RBMS3: variants seen among roughly 807,000 people sequenced by gnomAD.
RBMS3 encodes the protein RNA-binding motif, single-stranded-interacting protein 3.
A neutral mutation model predicts 66.8 loss-of-function variants in RBMS3; 27 were observed. That is an observed-to-expected ratio of 0.40 (90% confidence interval 0.30 to 0.56). The LOEUF is 0.56. Ranked by LOEUF, RBMS3 falls within the 20% of genes least tolerant of loss-of-function variation. The pLI is 0.40. For synonymous variants in RBMS3, 188 were observed against 183.0 expected (o/e 1.03, Z -0.22); for missense variants, 513 against 549.5 (o/e 0.93, Z 0.66).
intron 1 of RBMS3, among the ~76,000 whole-genome samples, chr3:29,317,926 C>A (rs1196100068): frequency 6.6e-6 from 1 of 151,788 alleles, no homozygotes; most frequent in Non-Finnish European, 1.5e-5. Flanking sequence ...GCTTTAACCT[C>A]TTTATAGTTG....
intron 6 of RBMS3, 113 bp from the exon 7 acceptor site, chr3:29,868,744 GA>G: frequency 3.2e-6 from 3 of 946,548 alleles, no homozygotes; most frequent in Non-Finnish European, 4.8e-6. Context: ...TATCTCTTCA[GA>G]AGCAAGATGT....
chr3:29,292,601 C>A (rs542686539), intron 1 of RBMS3, among the ~76,000 whole-genome samples: 1 of 151,590 alleles, frequency 6.6e-6, no homozygotes, highest in South Asian at 2.1e-4. Flanking sequence ...TCATAATAGT[C>A]GTTTAAACTG....
intron 1 of RBMS3, among the ~76,000 whole-genome samples, chr3:29,375,679 A>G (rs373983116): frequency 3.9e-5 from 6 of 152,362 alleles, no homozygotes; most frequent in African/African-American, 1.4e-4. Context: ...CAGAATGGTT[A>G]TTATTAAAAA....
At chr3:29,386,651 G>A (rs2039022814) in intron 1 of RBMS3, among the ~76,000 whole-genome samples, 1 of 152,122 alleles carries the variant, frequency 6.6e-6, no homozygotes, top group South Asian at 2.1e-4. Flanking sequence ...CCAGCATACA[G>A]ACATGCTGCA....
intron 3 of RBMS3, among the ~76,000 whole-genome samples, chr3:29,520,524 GAAAGTGA>G (rs1189755713): frequency 1.3e-5 from 2 of 152,086 alleles, no homozygotes; most frequent in Admixed American, 1.3e-4. Flanking sequence ...CAACAGCATA[GAAAGTGA>G]ACAAAAGTTG....
At chr3:29,406,385 A>ATG (rs1199398393) in intron 1 of RBMS3, among the ~76,000 whole-genome samples, 1 of 152,234 alleles carries the variant, frequency 6.6e-6, no homozygotes, top group Non-Finnish European at 1.5e-5. Flanking sequence ...ACTAAAAGCT[A>ATG]TGACTGTAGC....
intron 2 of RBMS3, among the ~76,000 whole-genome samples, chr3:29,435,376 A>G (rs1023030967): frequency 2.6e-5 from 4 of 152,328 alleles, no homozygotes; most frequent in African/African-American, 7.2e-5. Flanking sequence ...AGCCAGGACC[A>G]TGTATTTGGA....
intron 6 of RBMS3, among the ~76,000 whole-genome samples, chr3:29,833,825 T>C (rs2149491720): frequency 6.6e-6 from 1 of 152,104 alleles, no homozygotes; most frequent in South Asian, 2.1e-4. Context: ...TCCAGGTATA[T>C]GAAGATCAAA....
chr3:29,876,666 A>C (rs1258770131), intron 7 of RBMS3, among the ~76,000 whole-genome samples: 2 of 152,176 alleles, frequency 1.3e-5, no homozygotes, highest in Non-Finnish European at 2.9e-5. Context: ...TGGCTTTAAG[A>C]GGCTATGACA....
At chr3:29,466,599 G>A (rs937343412) in intron 2 of RBMS3, among the ~76,000 whole-genome samples, 50 of 152,098 alleles carry the variant, frequency 3.3e-4, no homozygotes, top group Non-Finnish European at 4.1e-4. Flanking sequence ...ATTGTTAAGT[G>A]ATTGAATAGT....
intron 1 of RBMS3, among the ~76,000 whole-genome samples, chr3:29,293,570 G>T (rs565644409): frequency 6.6e-6 from 1 of 151,682 alleles, no homozygotes; most frequent in African/African-American, 2.4e-5. Context: ...GTTATTATTC[G>T]TGGTCCATCT....
At position 29,884,215 on chromosome 3, in the gene RBMS3, A is replaced by G. The variant is rs368988264; in HGVS notation, c.791+7A>G. The G allele has an allele frequency of 2.8e-4, 452 of 1,605,420 alleles. 3 individuals are homozygous for G. The South Asian group carries it at 4.7e-3, about 17-fold the overall frequency. ...CAGCTGCCATACAGAATGGGTAAGT[A>G]GATCACATTTTCTCTATTTTAATTG... On this transcript the variant is annotated splice_region_variant and intron_variant, in intron 8 of 14. Coordinates refer to ENST00000383767, the MANE Select transcript of RBMS3 (RefSeq NM_001003793.3).
chr3:29,336,893 T>G (rs1228789342), intron 1 of RBMS3, among the ~76,000 whole-genome samples: 1 of 152,150 alleles, frequency 6.6e-6, no homozygotes, highest in Non-Finnish European at 1.5e-5. Context: ...CAATTACAAA[T>G]AAAATTAAGT....
intron 12 of RBMS3, among the ~76,000 whole-genome samples, chr3:29,961,419 C>T (rs1026085019): frequency 1.1e-4 from 17 of 152,154 alleles, no homozygotes; most frequent in African/African-American, 3.6e-4. Context: ...CCAACCTCTA[C>T]GTGTTACCCA....
At chr3:29,871,716 AT>A (rs2059495697) in intron 7 of RBMS3, among the ~76,000 whole-genome samples, 1 of 152,178 alleles carries the variant, frequency 6.6e-6, no homozygotes, top group Non-Finnish European at 1.5e-5. Flanking sequence ...ATGAGTAAAA[AT>A]GGTCATGTGA....
intron 6 of RBMS3, among the ~76,000 whole-genome samples, chr3:29,813,991 G>A (rs1403361115): frequency 6.6e-6 from 1 of 151,672 alleles, no homozygotes; most frequent in Admixed American, 6.6e-5. Flanking sequence ...CTGCCTAATT[G>A]CCCTGGCCAG....
chr3:29,934,373 G>A (rs1404246457), intron 10 of RBMS3, among the ~76,000 whole-genome samples: 1 of 151,760 alleles, frequency 6.6e-6, no homozygotes, highest in African/African-American at 2.4e-5. Flanking sequence ...TTATCCCTAG[G>A]TGATTTAAGA....
chr3:29,523,997 A>G (rs1320524844), intron 3 of RBMS3, among the ~76,000 whole-genome samples: 1 of 152,052 alleles, frequency 6.6e-6, no homozygotes, highest in East Asian at 1.9e-4. Context: ...TCAGCCTCCC[A>G]AAAGTGCTGA....
At chr3:29,289,687 G>A (rs1191061170) in intron 1 of RBMS3, among the ~76,000 whole-genome samples, 2 of 151,734 alleles carry the variant, frequency 1.3e-5, no homozygotes, top group African/African-American at 2.4e-5. Context: ...ATTAGTCAAG[G>A]GAACCCTAAT....
Sources: allele counts gnomAD v4.1 joint callset (sites outside exome capture counted in the v4.1 genomes callset), GRCh38; gene constraint gnomAD v4.1.1; transcripts MANE v1.5; gene names NCBI Gene and HGNC (gene_info 2026-07-23, HGNC 2026-07-21).